The following AGBL1 variants were observed in gnomAD, a reference collection of about 807,000 sequenced individuals.
The protein encoded by AGBL1 is cytosolic carboxypeptidase 4.
AGBL1 carries 130 observed loss-of-function variants against 118.9 expected under a neutral mutation model. The ratio of observed to expected loss-of-function variants is 1.09; its 90% confidence interval spans 0.95 to 1.26. AGBL1 has a LOEUF of 1.26. AGBL1 is among the 50% of genes most tolerant of loss of function. The pLI, the probability that AGBL1 is intolerant of heterozygous loss-of-function variation, is 0.00. For synonymous variants in AGBL1, 555 were observed against 478.9 expected, an observed-to-expected ratio of 1.16 and a Z score of -2.08; for missense variants, 1,584 against 1,298.1, an observed-to-expected ratio of 1.22 and a Z score of -3.38.
intron 18 of AGBL1, among the ~76,000 whole-genome samples, chr15:86,505,270 G>T (rs1216097678): frequency 6.6e-6 from 1 of 151,744 alleles, no homozygotes; most frequent in Non-Finnish European, 1.5e-5. Flanking sequence ...TGAGATTTTT[G>T]GATGTGTAGA....
chr15:86,989,225 T>C (rs1021101763), intron 24 of AGBL1, among the ~76,000 whole-genome samples: 2 of 152,122 alleles, frequency 1.3e-5, no homozygotes, highest in African/African-American at 4.8e-5. Flanking sequence ...GGTCTCCAGC[T>C]TTGGACCTCA....
At chr15:86,780,200 T>TC (rs72522643) in intron 22 of AGBL1, among the ~76,000 whole-genome samples, 127,403 of 152,118 alleles carry the variant, frequency 0.84, 54,148 homozygotes, top group East Asian at 1. Context: ...GCCATTGACA[T>TC]CAGTTGGCAC....
At chr15:86,553,341 C>T (rs1198933095) in intron 20 of AGBL1, among the ~76,000 whole-genome samples, 3 of 152,202 alleles carry the variant, frequency 2.0e-5, no homozygotes, top group African/African-American at 7.2e-5. Flanking sequence ...GCTGGAAGAT[C>T]CCTTTCTGTC....
At chr15:86,634,773 T>A (rs1443783538) in intron 21 of AGBL1, among the ~76,000 whole-genome samples, 1 of 152,296 alleles carries the variant, frequency 6.6e-6, no homozygotes, top group East Asian at 1.9e-4. Context: ...TTTAGATAAA[T>A]TCACACAAAC....
At chr15:86,749,653 T>C (rs1433387302) in intron 22 of AGBL1, among the ~76,000 whole-genome samples, 1 of 152,228 alleles carries the variant, frequency 6.6e-6, no homozygotes, top group Non-Finnish European at 1.5e-5. Flanking sequence ...GGGTTTGTCA[T>C]AAATAGCTCT....
At chr15:86,407,597 GT>G in intron 18 of AGBL1, among the ~76,000 whole-genome samples, 1 of 152,290 alleles carries the variant, frequency 6.6e-6, no homozygotes, top group South Asian at 2.1e-4. Flanking sequence ...GGAAGGTAAA[GT>G]TTGTGTACTA....
At chr15:86,094,888 A>G (rs1184424074) in intron 1 of AGBL1, among the ~76,000 whole-genome samples, 1 of 152,178 alleles carries the variant, frequency 6.6e-6, no homozygotes. Context: ...AGTTAGCATC[A>G]GATCTCACAA....
At chr15:86,084,293 A>G (rs778201582) in intron 1 of AGBL1, among the ~76,000 whole-genome samples, 3 of 152,184 alleles carry the variant, frequency 2.0e-5, no homozygotes, top group Admixed American at 6.5e-5. Flanking sequence ...AGACCTCATT[A>G]CTTTCACAGC....
At chr15:86,852,452 G>A (rs16978032) in intron 22 of AGBL1, among the ~76,000 whole-genome samples, 5,804 of 152,134 alleles carry the variant, frequency 0.038, 357 homozygotes, top group African/African-American at 0.13. Flanking sequence ...CATTTCCTGA[G>A]AGTCTCCTAA....
At chr15:86,395,605 G>A (rs2141987666) in intron 17 of AGBL1, among the ~76,000 whole-genome samples, 1 of 152,134 alleles carries the variant, frequency 6.6e-6, no homozygotes, top group South Asian at 2.1e-4. Flanking sequence ...CAAGACACCT[G>A]CTTAAGGGAA....
intron 18 of AGBL1, among the ~76,000 whole-genome samples, chr15:86,459,625 A>C (rs1399509628): frequency 2.0e-5 from 3 of 152,140 alleles, no homozygotes; most frequent in African/African-American, 7.2e-5. Context: ...TTGATCACTC[A>C]TCATGCCCCA....
intron 18 of AGBL1, among the ~76,000 whole-genome samples, chr15:86,448,565 T>A (rs753557517): frequency 3.3e-5 from 5 of 152,228 alleles, no homozygotes; most frequent in Admixed American, 6.5e-5. Flanking sequence ...GCACCTGGCA[T>A]ATCTGGGAAT....
intron 21 of AGBL1, among the ~76,000 whole-genome samples, chr15:86,645,080 CA>C (rs2085255813): frequency 6.6e-6 from 1 of 151,802 alleles, no homozygotes; most frequent in African/African-American, 2.4e-5. Flanking sequence ...GATGAACAAA[CA>C]TATGATTTAA....
chr15:86,427,965 C>G (rs752002557), intron 18 of AGBL1, among the ~76,000 whole-genome samples: 1 of 152,130 alleles, frequency 6.6e-6, no homozygotes, highest in Non-Finnish European at 1.5e-5. Context: ...AAGTAACATA[C>G]AAAATGGGAT....
intron 22 of AGBL1, among the ~76,000 whole-genome samples, chr15:86,683,999 G>A (rs1032473803): frequency 6.6e-6 from 1 of 151,966 alleles, no homozygotes. Context: ...AGTCCTTTAG[G>A]TCAAAGCCAT....
intron 23 of AGBL1, among the ~76,000 whole-genome samples, chr15:86,936,594 G>A (rs2080678781): frequency 6.6e-6 from 1 of 152,190 alleles, no homozygotes; most frequent in African/African-American, 2.4e-5. Flanking sequence ...TAACTGGCTA[G>A]CCATATGTAG....
chr15:86,812,377 G>A (rs1268409457), intron 22 of AGBL1, among the ~76,000 whole-genome samples: 1 of 152,144 alleles, frequency 6.6e-6, no homozygotes, highest in Non-Finnish European at 1.5e-5. Context: ...TACAAAAGGG[G>A]TTGAACAACT....
intron 24 of AGBL1, among the ~76,000 whole-genome samples, chr15:86,989,082 G>A (rs1442035767): frequency 1.4e-5 from 2 of 148,094 alleles, no homozygotes; most frequent in East Asian, 2.0e-4. Flanking sequence ...GCTAACTGCA[G>A]CTTTGATCCT....
In AGBL1 at chr15:86,295,356, G is replaced by T. The variant is rs1223147647; in HGVS notation, c.2322G>T (p.Val774=). ...TGGGAGGGAATCCGTGTCCCTTGGTGACCATCACGGCCATGCCTGAGTCCA... is the reference window on the plus strand; with the variant it reads ...TGGGAGGGAATCCGTGTCCCTTGGTTACCATCACGGCCATGCCTGAGTCCA... ...QTLGGNPCPL[V]TITAMPESNS... The change falls in exon 17 of 23, where the codon GTG becomes GTT. Residue 774 remains valine (V), a synonymous_variant. Coordinates refer to ENST00000614907, the MANE Select transcript of AGBL1 (RefSeq NM_001386094.1). 1 of 1,611,658 alleles carries T rather than the reference G, an allele frequency of 6.2e-7. No homozygotes were observed. Among genetic ancestry groups the T allele is most frequent in the East Asian group, 2.2e-5 (1 of 44,870 alleles).
Sources: allele counts gnomAD v4.1 joint callset (sites outside exome capture counted in the v4.1 genomes callset), GRCh38; gene constraint gnomAD v4.1.1; transcripts MANE v1.5; gene names NCBI Gene and HGNC (gene_info 2026-07-23, HGNC 2026-07-21).